APOC2: variants seen among roughly 807,000 people sequenced by gnomAD.
APOC2 encodes the protein apolipoprotein C-II.
Under a neutral mutation model 10.2 loss-of-function variants are expected in APOC2, and 6 were observed. That is an observed-to-expected ratio of 0.59 (90% CI 0.32 to 1.16). The LOEUF is 1.16. Among genes scored for constraint, APOC2 ranks in the 50% most tolerant of loss-of-function variants. The pLI, the probability that APOC2 is intolerant of heterozygous loss-of-function variation, is 0.05. For missense variants in APOC2, 110 were observed against 117.6 expected (o/e 0.94, Z 0.30); for synonymous variants, 56 against 48.5 (o/e 1.15, Z -0.64).
At position 44,948,681 on chromosome 19, in the gene APOC2, G is replaced by C; in HGVS notation, c.56-20G>C. 3 of 1,613,824 alleles carry C rather than the reference G, an allele frequency of 1.9e-6. No homozygotes were observed. In the South Asian group the frequency reaches 3.3e-5, roughly 18 times the overall value. On this transcript the variant is annotated intron_variant, in intron 2 of 3. Transcript: ENST00000252490. ...CTGCTGCAGCCCCACGGGCTCTCCT[G>C]ACACACTCTCCCCCTGCAGAGGTCC...
intron 3 of APOC2, 111 bp from the exon 4 acceptor site, chr19:44,949,048 C>G: frequency 8.8e-7 from 1 of 1,136,806 alleles, no homozygotes; most frequent in Non-Finnish European, 1.2e-6. Flanking sequence ...AGGCCCCCAG[C>G]CCCTCCTCCC....
chr19:44,946,226 TGTGTGTGTGA>T (rs1281149540), intron 1 of APOC2, among the ~76,000 whole-genome samples, 151 bp downstream of exon 1: 3 of 133,008 alleles, frequency 2.3e-5, no homozygotes, highest in Non-Finnish European at 3.4e-5. Flanking sequence ...TGTGTGTGTG[TGTGTGTGTGA>T]GAGAGAGAGA....
rs120074115 is a variant in APOC2 at position 44,948,787 on chromosome 19, T to C, written c.142T>C (p.Trp48Arg). The change falls in exon 3 of 4, where the codon TGG (tryptophan) becomes CGG (arginine). Residue 48 changes from tryptophan to arginine, a missense_variant. Physicochemically the swap from Trp to Arg is moderately radical, Grantham distance 101. Transcript: ENST00000252490. The stretch of plus-strand genomic sequence containing the variant: ...GGTGAAGGAATCTCTCTCCAGTTAC[T>C]GGGAGTCAGCAAAGACAGCCGCCCA... ...TQVKESLSSY[W>R]ESAKTAAQNL... 1.9e-6 allele frequency: 3 copies of C among 1,614,120 alleles called. No individual in the cohort carries two copies. In the East Asian group the frequency reaches 6.7e-5, roughly 36 times the overall value.
At position 44,948,786 on chromosome 19, in the gene APOC2, C is replaced by T; in HGVS notation, c.141C>T (p.Tyr47=). The change falls in exon 3 of 4, where the codon TAC becomes TAT. Residue 47 remains tyrosine (Y), a synonymous_variant. Transcript: ENST00000252490. ...LTQVKESLSS[Y]WESAKTAAQN... is the part of the protein sequence containing the mutation. ...AGGTGAAGGAATCTCTCTCCAGTTA[C>T]TGGGAGTCAGCAAAGACAGCCGCCC... The T allele has an allele frequency of 3.7e-6, 6 of 1,614,188 alleles. No homozygotes were observed. Among genetic ancestry groups the T allele is most frequent in the Non-Finnish European group, 5.1e-6 (6 of 1,180,036 alleles).
chr19:44,946,234 T>TGTGTGTGTGTGTGTGTGAGAGAGA (rs1236986911), intron 1 of APOC2, among the ~76,000 whole-genome samples, 159 bp downstream of exon 1: 1 of 132,836 alleles, frequency 7.5e-6, no homozygotes, highest in African/African-American at 3.0e-5. Context: ...TGTGTGTGTG[T>TGTGTGTGTGTGTGTGTGAGAGAGA]GAGAGAGAGA....
chr19:44,947,977 A>G (rs1391851821), intron 1 of APOC2, among the ~76,000 whole-genome samples: 2 of 152,104 alleles, frequency 1.3e-5, no homozygotes, highest in Non-Finnish European at 2.9e-5. Context: ...GCTGAGGCAG[A>G]AGAATTGCTA....
At position 44,949,272 on chromosome 19, in the gene APOC2, A is replaced by G. The variant is rs1970358877; in HGVS notation, c.*23A>G. The stretch of plus-strand genomic sequence containing the variant: ...TAACAGCCAGACCCCCCATCAGTGG[A>G]CAAGGGGAGAGTCCCCTACTCCCCT... On this transcript the variant is annotated 3_prime_UTR_variant, in exon 4 of 4. Coordinates refer to ENST00000252490, the MANE Select transcript of APOC2 (RefSeq NM_000483.5). 2 of 1,603,154 alleles carry G rather than the reference A, an allele frequency of 1.2e-6. No individual in the cohort carries two copies. The highest frequency in any genetic ancestry group is 1.7e-6 in the Non-Finnish European group (2 of 1,172,122).
chr19:44,949,261 C>T lies in APOC2; in HGVS notation c.*12C>T, dbSNP rs772795146. 1.2e-6 allele frequency: 2 copies of T among 1,611,074 alleles called. No homozygotes were observed. The highest frequency in any genetic ancestry group is 1.3e-5 in the African/African-American group (1 of 74,874). ...AGGGAGAGGAGTAACAGCCAGACCCCCCATCAGTGGACAAGGGGAGAGTCC... is the reference window on the plus strand; with the variant it reads ...AGGGAGAGGAGTAACAGCCAGACCCTCCATCAGTGGACAAGGGGAGAGTCC... On this transcript the variant is annotated 3_prime_UTR_variant, in exon 4 of 4. Transcript: ENST00000252490.
chr19:44,946,824 C>T (rs1248891230), intron 1 of APOC2, among the ~76,000 whole-genome samples: 3 of 151,168 alleles, frequency 2.0e-5, no homozygotes, highest in African/African-American at 4.9e-5. Context: ...TCAGTCTTGG[C>T]GGAAAAAAAG....
At chr19:44,948,666 C>T in intron 2 of APOC2, 35 bp from the exon 3 acceptor site, 1 of 1,613,604 alleles carries the variant, frequency 6.2e-7, no homozygotes, top group African/African-American at 1.3e-5. Flanking sequence ...CTGCTGCAGC[C>T]CCACGGGCTC....
At position 44,949,313 on chromosome 19, in the gene APOC2, G is replaced by T; in HGVS notation, c.*64G>T. The T allele has an allele frequency of 7.6e-7, 1 of 1,314,966 alleles. No homozygotes were observed. 81.5% of individuals were successfully genotyped at this position (1,314,966 alleles called of 1,614,324 possible). ...CTACTCCCCTGATCCCCCAGGTTCAGACTGAGCTCCCCCTTCCCAGTAGCT... is the reference window on the plus strand; with the variant it reads ...CTACTCCCCTGATCCCCCAGGTTCATACTGAGCTCCCCCTTCCCAGTAGCT... On this transcript the variant is annotated 3_prime_UTR_variant, in exon 4 of 4. Transcript: ENST00000252490.
chr19:44,946,444 C>T (rs1488863237), intron 1 of APOC2, among the ~76,000 whole-genome samples: 1 of 152,074 alleles, frequency 6.6e-6, no homozygotes, highest in Non-Finnish European at 1.5e-5. Context: ...ATCCCTTGAG[C>T]CCAGGAGTTT....
intron 1 of APOC2, among the ~76,000 whole-genome samples, chr19:44,947,615 A>G (rs4803774): frequency 0.53 from 79,833 of 151,920 alleles, 21,632 homozygotes; most frequent in African/African-American, 0.63. Context: ...GGGCAACAAA[A>G]CAAGTCTCCC....
At chr19:44,946,768 G>T (rs1970326424) in intron 1 of APOC2, among the ~76,000 whole-genome samples, 2 of 152,150 alleles carry the variant, frequency 1.3e-5, no homozygotes, top group Non-Finnish European at 2.9e-5. Flanking sequence ...GTTGCAGTGA[G>T]CCCAGATCGT....
chr19:44,947,492 G>A (rs1970334644), intron 1 of APOC2, among the ~76,000 whole-genome samples: 1 of 152,134 alleles, frequency 6.6e-6, no homozygotes, highest in South Asian at 2.1e-4. Flanking sequence ...GAACTGTTTA[G>A]GTGCTCAAGA....
chr19:44,949,325 C>T lies in APOC2; in HGVS notation c.*76C>T, dbSNP rs1162420827. 1.8e-6 allele frequency: 2 copies of T among 1,108,778 alleles called. No homozygotes were observed. The highest frequency in any genetic ancestry group is 3.9e-5 in the Admixed American group (2 of 51,898). The allele number at this position is 1,108,778 out of a possible 1,614,324, so 68.7% of individuals were successfully genotyped here. On this transcript the variant is annotated 3_prime_UTR_variant, in exon 4 of 4. Transcript: ENST00000252490. Reference sequence around the variant, plus strand: ...TCCCCCAGGTTCAGACTGAGCTCCCCCTTCCCAGTAGCTCTTGCATCCTCC... The same window carrying T: ...TCCCCCAGGTTCAGACTGAGCTCCCTCTTCCCAGTAGCTCTTGCATCCTCC...
chr19:44,946,234 T>TGTGTGTGTGA (rs1236986911), intron 1 of APOC2, among the ~76,000 whole-genome samples, 159 bp downstream of exon 1: 215 of 132,866 alleles, frequency 1.6e-3, no homozygotes, highest in African/African-American at 4.9e-3. Flanking sequence ...TGTGTGTGTG[T>TGTGTGTGTGA]GAGAGAGAGA....
intron 2 of APOC2, 78 bp from the exon 3 acceptor site, chr19:44,948,623 T>C: frequency 6.2e-7 from 1 of 1,604,566 alleles, no homozygotes; most frequent in African/African-American, 1.3e-5. Context: ...CCTCTGCCTC[T>C]GCCCTCTCCT....
rs4803776 is a variant in APOC2 at position 44,949,078 on chromosome 19, T to C, written c.216-81T>C. The C allele has an allele frequency of 0.53, 625,235 of 1,182,632 alleles. 177,115 individuals carry two copies. The highest frequency in any genetic ancestry group is 0.75 in the African/African-American group (41,577 of 55,348). 73.3% of individuals were successfully genotyped at this position (1,182,632 alleles called of 1,614,324 possible). On this transcript the variant is annotated intron_variant, in intron 3 of 3. Transcript: ENST00000252490. ...CCTCCCTCAGACCCAGGAGTCCAGG[T>C]CCCCAGACCCTCCTCCCTCAGACCC...
Sources: allele counts gnomAD v4.1 joint callset (sites outside exome capture counted in the v4.1 genomes callset), GRCh38; gene constraint gnomAD v4.1.1; transcripts MANE v1.5; gene names NCBI Gene and HGNC (gene_info 2026-07-23, HGNC 2026-07-21).